Variants in PTPRD observed in about 807,000 individuals in gnomAD.
The protein encoded by PTPRD is protein tyrosine phosphatase receptor type D, also known as receptor-type tyrosine-protein phosphatase delta.
A neutral mutation model predicts 214.5 loss-of-function variants in PTPRD; 34 were observed. That is an observed-to-expected ratio of 0.16 (90% CI 0.12 to 0.21). The LOEUF is 0.21. PTPRD is among the 10% of genes least tolerant of loss of function. The pLI, the probability that PTPRD is intolerant of heterozygous loss-of-function variation, is 1.00. For missense variants in PTPRD, 2,545 were observed against 2,398.7 expected (o/e 1.06, Z -1.27); for synonymous variants, 1,128 against 845.7 (o/e 1.33, Z -5.79).
At chr9:8,602,188 A>C (rs564016684) in intron 14 of PTPRD, among the ~76,000 whole-genome samples, 1 of 152,314 alleles carries the variant, frequency 6.6e-6, no homozygotes, top group East Asian at 1.9e-4. Context: ...CGACCTTAGC[A>C]TTCTATCTTT....
chr9:8,989,667 A>T (rs2099358816), intron 11 of PTPRD, among the ~76,000 whole-genome samples: 1 of 152,052 alleles, frequency 6.6e-6, no homozygotes, highest in Non-Finnish European at 1.5e-5. Flanking sequence ...TCCCACCCTG[A>T]TTTTAAAGGG....
intron 5 of PTPRD, among the ~76,000 whole-genome samples, chr9:9,806,295 G>A (rs960731651): frequency 3.9e-5 from 6 of 152,036 alleles, no homozygotes; most frequent in East Asian, 1.9e-4. Flanking sequence ...GCAGTCTCCC[G>A]ATACATAGAA....
At chr9:10,408,429 G>A (rs1261412761) in intron 2 of PTPRD, among the ~76,000 whole-genome samples, 1 of 151,594 alleles carries the variant, frequency 6.6e-6, no homozygotes, top group African/African-American at 2.4e-5. Flanking sequence ...AAATAAGAAA[G>A]TAAATTTCAA....
chr9:9,052,234 C>A (rs2099687323), intron 10 of PTPRD, among the ~76,000 whole-genome samples: 1 of 152,130 alleles, frequency 6.6e-6, no homozygotes, highest in Non-Finnish European at 1.5e-5. Context: ...GAGGGTTCTG[C>A]CCTTATTATC....
chr9:9,026,984 G>T (rs898033122), intron 10 of PTPRD, among the ~76,000 whole-genome samples: 1 of 151,320 alleles, frequency 6.6e-6, no homozygotes, highest in African/African-American at 2.4e-5. Flanking sequence ...TGAGCCTTCT[G>T]CTTGAGTGCT....
chr9:8,373,864 GTC>G (rs1196424033), intron 39 of PTPRD, among the ~76,000 whole-genome samples: 196 of 107,890 alleles, frequency 1.8e-3, no homozygotes, highest in Middle Eastern at 4.7e-3. Flanking sequence ...GTGTCTGTCT[GTC>G]TATCTATCTA....
chr9:10,147,675 T>C (rs1193620417), intron 3 of PTPRD, among the ~76,000 whole-genome samples: 3 of 151,062 alleles, frequency 2.0e-5, no homozygotes, highest in African/African-American at 7.3e-5. Flanking sequence ...AGGTCAGGAG[T>C]TCAAGACCAG....
At chr9:9,764,323 G>A (rs377441299) in intron 6 of PTPRD, among the ~76,000 whole-genome samples, 2 of 152,062 alleles carry the variant, frequency 1.3e-5, no homozygotes, top group Non-Finnish European at 2.9e-5. Flanking sequence ...TAAATCAAAT[G>A]CATTCAAAAT....
chr9:9,243,012 G>C (rs1412398181), intron 9 of PTPRD, among the ~76,000 whole-genome samples: 2 of 152,090 alleles, frequency 1.3e-5, no homozygotes, highest in Non-Finnish European at 2.9e-5. Context: ...CGTACAGATG[G>C]GGTTTTGGTG....
chr9:8,677,833 T>C (rs2154369880), intron 12 of PTPRD, among the ~76,000 whole-genome samples: 1 of 152,232 alleles, frequency 6.6e-6, no homozygotes, highest in East Asian at 1.9e-4. Flanking sequence ...GGGGACTCAC[T>C]TGGGAAGCGA....
intron 12 of PTPRD, among the ~76,000 whole-genome samples, chr9:8,648,329 C>T (rs2096736671): frequency 6.6e-6 from 1 of 152,120 alleles, no homozygotes; most frequent in Admixed American, 6.5e-5. Context: ...AATAAAACTT[C>T]CTGAACTATT....
chr9:10,261,801 T>A (rs1159681120), intron 3 of PTPRD, among the ~76,000 whole-genome samples: 1 of 152,026 alleles, frequency 6.6e-6, no homozygotes, highest in East Asian at 1.9e-4. Context: ...AGTAAATATA[T>A]AGGAGCAAGA....
chr9:9,518,549 C>T (rs1212490945), intron 8 of PTPRD, among the ~76,000 whole-genome samples: 2 of 151,932 alleles, frequency 1.3e-5, no homozygotes, highest in Non-Finnish European at 2.9e-5. Flanking sequence ...GATATTCTGG[C>T]AATGTAGTTA....
At chr9:8,787,756 T>C (rs1463376147) in intron 11 of PTPRD, among the ~76,000 whole-genome samples, 1 of 152,078 alleles carries the variant, frequency 6.6e-6, no homozygotes, top group East Asian at 1.9e-4. Context: ...AACTACATCT[T>C]TGCAAGTATG....
chr9:8,484,508 C>A lies in PTPRD; in HGVS notation c.3154-130G>T, dbSNP rs918109508. The A allele has an allele frequency of 5.6e-6, 5 of 886,420 alleles. No individual in the cohort carries two copies. The African/African-American group carries it at 6.8e-5, about 12-fold the overall frequency. The allele number at this position is 886,420 out of a possible 1,614,324, so 54.9% of individuals were successfully genotyped here. ...TTCTAATTTTAGGTGATTTCTAAGT[C>A]CATGAGTAGTCATAATTCTGGAGAT... On this transcript the variant is annotated intron_variant, in intron 29 of 45. Coordinates refer to ENST00000381196, the MANE Select transcript of PTPRD (RefSeq NM_002839.4).
At chr9:8,782,001 A>C (rs2095720557) in intron 11 of PTPRD, among the ~76,000 whole-genome samples, 1 of 151,972 alleles carries the variant, frequency 6.6e-6, no homozygotes, top group Non-Finnish European at 1.5e-5. Flanking sequence ...AAACGGACAA[A>C]AACTGTATAT....
intron 7 of PTPRD, among the ~76,000 whole-genome samples, chr9:9,593,579 A>C (rs2092983747): frequency 6.6e-6 from 1 of 152,036 alleles, no homozygotes; most frequent in Non-Finnish European, 1.5e-5. Flanking sequence ...AAAAAGTTGG[A>C]GAACAAATGT....
intron 3 of PTPRD, among the ~76,000 whole-genome samples, chr9:10,061,186 C>T (rs1037554026): frequency 6.6e-6 from 1 of 151,780 alleles, no homozygotes; most frequent in African/African-American, 2.4e-5. Flanking sequence ...CTGCTACCCT[C>T]CTATGTAACA....
At chr9:10,467,996 A>C (rs1038709311) in intron 2 of PTPRD, among the ~76,000 whole-genome samples, 1 of 152,194 alleles carries the variant, frequency 6.6e-6, no homozygotes, top group African/African-American at 2.4e-5. Context: ...AAAAGTCAGG[A>C]AACAACAGAG....
Sources: allele counts gnomAD v4.1 joint callset (sites outside exome capture counted in the v4.1 genomes callset), GRCh38; gene constraint gnomAD v4.1.1; transcripts MANE v1.5; gene names NCBI Gene and HGNC (gene_info 2026-07-23, HGNC 2026-07-21).